IMMP2L: variants seen among roughly 807,000 people sequenced by gnomAD.
IMMP2L encodes the protein inner mitochondrial membrane peptidase subunit 2.
In IMMP2L, 18 loss-of-function variants were observed where a neutral mutation model predicts 19.3. The ratio of observed to expected loss-of-function variants is 0.93; its 90% CI spans 0.64 to 1.38. The LOEUF (loss-of-function observed/expected upper bound fraction) is 1.38. Ranked by LOEUF, IMMP2L falls within the 40% of genes most tolerant of loss-of-function variation. IMMP2L has a pLI of 0.00. For synonymous variants in IMMP2L, 76 were observed against 73.0 expected (o/e 1.04, Z -0.21); for missense variants, 233 against 218.2 (o/e 1.07, Z -0.43).
At chr7:110,795,359 TA>T (rs1175236229) in intron 5 of IMMP2L, among the ~76,000 whole-genome samples, 1 of 152,062 alleles carries the variant, frequency 6.6e-6, no homozygotes, top group Non-Finnish European at 1.5e-5. Flanking sequence ...ATTGGTGTTT[TA>T]AAAAAATCAG....
intron 5 of IMMP2L, among the ~76,000 whole-genome samples, chr7:110,750,775 C>G (rs1165103604): frequency 6.6e-6 from 1 of 151,880 alleles, no homozygotes; most frequent in Non-Finnish European, 1.5e-5. Context: ...GGAACAAGGC[C>G]GGACGAGGGT....
intron 5 of IMMP2L, among the ~76,000 whole-genome samples, chr7:110,674,229 AC>A (rs1207946925): frequency 2.6e-5 from 4 of 152,258 alleles, no homozygotes; most frequent in South Asian, 4.1e-4. Flanking sequence ...TTATAAAACC[AC>A]CAGATCCCAT....
intron 5 of IMMP2L, among the ~76,000 whole-genome samples, chr7:110,801,291 T>C (rs1801222419): frequency 6.6e-6 from 1 of 152,076 alleles, no homozygotes; most frequent in African/African-American, 2.4e-5. Flanking sequence ...TTGAATCTAA[T>C]ATTTTGCTCA....
At chr7:110,679,361 A>G (rs1260397706) in intron 5 of IMMP2L, among the ~76,000 whole-genome samples, 3 of 152,172 alleles carry the variant, frequency 2.0e-5, no homozygotes, top group Non-Finnish European at 4.4e-5. Flanking sequence ...CTATTCAACA[A>G]TAATCCAAGG....
intron 4 of IMMP2L, among the ~76,000 whole-genome samples, chr7:110,944,423 C>T (rs10464508): frequency 0.46 from 68,658 of 150,314 alleles, 17,375 homozygotes; most frequent in Non-Finnish European, 0.59. Context: ...TTTTTTAAAT[C>T]TGGAATAGTA....
At chr7:110,836,860 C>G (rs1483650630) in intron 5 of IMMP2L, among the ~76,000 whole-genome samples, 1 of 152,012 alleles carries the variant, frequency 6.6e-6, no homozygotes, top group East Asian at 1.9e-4. Flanking sequence ...CTGATAAATC[C>G]AGAACTAATA....
intron 5 of IMMP2L, among the ~76,000 whole-genome samples, chr7:110,789,822 A>AT (rs1466189019): frequency 2.0e-5 from 3 of 151,198 alleles, no homozygotes. Flanking sequence ...GGGCCTTTGC[A>AT]TTTTCTATTC....
At chr7:111,397,817 T>A (rs1033590678) in intron 3 of IMMP2L, among the ~76,000 whole-genome samples, 1 of 152,134 alleles carries the variant, frequency 6.6e-6, no homozygotes, top group African/African-American at 2.4e-5. Flanking sequence ...CAGGTTCTCA[T>A]TCACTTTATC....
At chr7:111,354,518 C>A (rs1828501639) in intron 3 of IMMP2L, among the ~76,000 whole-genome samples, 1 of 149,976 alleles carries the variant, frequency 6.7e-6, no homozygotes, top group African/African-American at 2.5e-5. Flanking sequence ...AGAAGGATGC[C>A]CATGAAAGTC....
chr7:110,830,602 A>C (rs563132419), intron 5 of IMMP2L, among the ~76,000 whole-genome samples: 1 of 152,146 alleles, frequency 6.6e-6, no homozygotes, highest in African/African-American at 2.4e-5. Flanking sequence ...AAAATATTTC[A>C]ATTTTAAAAA....
rs181869728 is a variant in IMMP2L, at chr7:110,742,555, T to G, written c.409-78834A>C. 1.7e-3 allele frequency among the ~76,000 whole-genome samples: 254 copies of G among 152,096 alleles called. 2 individuals carry two copies. Among genetic ancestry groups the G allele is most frequent in the African/African-American group, 5.8e-3 (241 of 41,500 alleles). On this transcript the variant is annotated intron_variant, in intron 5 of 5. Coordinates refer to ENST00000405709, the MANE Select transcript of IMMP2L (RefSeq NM_032549.4). ...AAACCAAGGCAAGCGGATCACAAGG[T>G]CTGGAGATTGAGACCATTCTGGCTA...
At chr7:111,407,002 T>C (rs535574525) in intron 3 of IMMP2L, among the ~76,000 whole-genome samples, 2 of 152,224 alleles carry the variant, frequency 1.3e-5, no homozygotes, top group South Asian at 4.1e-4. Context: ...AGCCGACATA[T>C]ACATAATGAA....
At chr7:110,882,322 T>TTCCC (rs765916392) in intron 5 of IMMP2L, among the ~76,000 whole-genome samples, 1 of 120,562 alleles carries the variant, frequency 8.3e-6, no homozygotes, top group African/African-American at 2.8e-5. Flanking sequence ...CCTTCCTTCC[T>TTCCC]TCCTTCCTTC....
intron 4 of IMMP2L, among the ~76,000 whole-genome samples, chr7:110,908,185 T>C (rs539629555): frequency 1.3e-5 from 2 of 152,276 alleles, no homozygotes; most frequent in Admixed American, 1.3e-4. Context: ...AAACAGTATC[T>C]CTGCATCCAG....
chr7:111,459,125 T>C (rs1290762582), intron 3 of IMMP2L, among the ~76,000 whole-genome samples: 1 of 152,170 alleles, frequency 6.6e-6, no homozygotes, highest in East Asian at 1.9e-4. Context: ...CAATATTCTA[T>C]GAGTAAATAT....
chr7:111,443,281 G>T (rs1417887443), intron 3 of IMMP2L, among the ~76,000 whole-genome samples: 1 of 151,946 alleles, frequency 6.6e-6, no homozygotes, highest in African/African-American at 2.4e-5. Flanking sequence ...GTTCAATACA[G>T]TAATCCAAAT....
chr7:111,291,313 C>G (rs1318228259), intron 3 of IMMP2L, among the ~76,000 whole-genome samples: 1 of 152,126 alleles, frequency 6.6e-6, no homozygotes, highest in Admixed American at 6.6e-5. Flanking sequence ...TCTTCTTTTT[C>G]AAAGGGCAGG....
At chr7:111,518,629 A>G (rs1379452177) in intron 2 of IMMP2L, among the ~76,000 whole-genome samples, 1 of 152,160 alleles carries the variant, frequency 6.6e-6, no homozygotes, top group African/African-American at 2.4e-5. Flanking sequence ...TTAGTTGATC[A>G]AAGCTGTATA....
At chr7:110,985,327 T>C (rs1026896874) in intron 3 of IMMP2L, among the ~76,000 whole-genome samples, 8 of 152,138 alleles carry the variant, frequency 5.3e-5, no homozygotes, top group African/African-American at 1.9e-4. Flanking sequence ...CTCAAATTGT[T>C]TTCTGTAACT....
Sources: gnomAD v4.1 joint callset for allele counts (sites outside exome capture counted in the v4.1 genomes callset) on GRCh38, gnomAD v4.1.1 for gene constraint, MANE v1.5 for transcripts, NCBI Gene and HGNC (gene_info 2026-07-23, HGNC 2026-07-21) for gene names.